WWC2: variants seen among roughly 807,000 people sequenced by gnomAD.
WWC2 encodes WW and C2 domain containing 2.
Under a neutral mutation model 138.5 loss-of-function variants are expected in WWC2, and 101 were observed. The observed-to-expected ratio is 0.73, with a 90% CI of 0.62 to 0.86. WWC2 has a LOEUF of 0.86. WWC2 is among the 40% of genes least tolerant of loss of function. WWC2 has a pLI of 0.00. For missense variants in WWC2, 1,420 were observed against 1,419.4 expected (o/e 1.00, Z -0.01); for synonymous variants, 558 against 538.4 (o/e 1.04, Z -0.50).
Position 183,208,040 on chromosome 4 carries a change from C to A in WWC2, c.329C>A (p.Ala110Asp), listed in dbSNP as rs755610179. 6.2e-7 allele frequency: 1 copy of A among 1,613,794 alleles called. No homozygotes were observed. The highest frequency in any genetic ancestry group is 1.1e-5 in the South Asian group (1 of 91,040). Residue 110 changes from alanine to aspartate, a missense_variant, in exon 3 of 23, where the codon GCC (alanine) becomes GAC (aspartate). Coordinates refer to ENST00000403733, the MANE Select transcript of WWC2 (RefSeq NM_024949.6). Reference sequence around the variant, plus strand: ...GACTACCTCTCTGTGGCACAGGATGCCCTCCGGACACAGAAGGAACTGTAC... The same window carrying A: ...GACTACCTCTCTGTGGCACAGGATGACCTCCGGACACAGAAGGAACTGTAC... ...LKDYLSVAQD[A>D]LRTQKELYHV...
At chr4:183,254,406 A>G (rs1737076087) in intron 9 of WWC2, among the ~76,000 whole-genome samples, 1 of 152,224 alleles carries the variant, frequency 6.6e-6, no homozygotes, top group South Asian at 2.1e-4. Context: ...TTCACGAGGA[A>G]AAGACAGCTT....
chr4:183,265,781 C>T lies in WWC2; in HGVS notation c.2120+13C>T, dbSNP rs547780231. On this transcript the variant is annotated intron_variant, in intron 13 of 22. Transcript: ENST00000403733. The stretch of plus-strand genomic sequence containing the variant: ...AGATAGGACTCAGGTAAGGAATGTA[C>T]GTGGGAAAGGAGCAGTTCTGACATC... The T allele has an allele frequency of 4.2e-5, 68 of 1,609,810 alleles. No individual in the cohort carries two copies. Among genetic ancestry groups the T allele is most frequent in the Admixed American group, 3.5e-4 (21 of 59,450 alleles).
chr4:183,306,842 A>G (rs1739037117), intron 21 of WWC2, among the ~76,000 whole-genome samples: 1 of 138,084 alleles, frequency 7.2e-6, no homozygotes, highest in Admixed American at 8.6e-5. Context: ...AACAATTCTT[A>G]GACATCTATG....
chr4:183,158,790 G>A (rs1354066993), intron 1 of WWC2, among the ~76,000 whole-genome samples: 1 of 152,104 alleles, frequency 6.6e-6, no homozygotes, highest in Non-Finnish European at 1.5e-5. Context: ...AGTAAACATG[G>A]CACTTTACCT....
At chr4:183,256,558 A>G (rs1419107457) in intron 9 of WWC2, among the ~76,000 whole-genome samples, 1 of 152,082 alleles carries the variant, frequency 6.6e-6, no homozygotes. Context: ...AGGGAAGAGA[A>G]CGCCCTTGCC....
At chr4:183,167,512 C>T (rs546051718) in intron 1 of WWC2, among the ~76,000 whole-genome samples, 4 of 152,176 alleles carry the variant, frequency 2.6e-5, no homozygotes, top group Non-Finnish European at 5.9e-5. Context: ...CAGTTTACTC[C>T]GGATGTCCTG....
chr4:183,245,289 C>G, intron 5 of WWC2, 127 bp from the exon 6 acceptor site: 2 of 493,076 alleles, frequency 4.1e-6, no homozygotes, highest in Non-Finnish European at 6.0e-6. Context: ...AAGATGATTG[C>G]TGGTATATGA....
At chr4:183,312,042 C>G (rs1739267357) in intron 21 of WWC2, among the ~76,000 whole-genome samples, 1 of 152,146 alleles carries the variant, frequency 6.6e-6, no homozygotes, top group Admixed American at 6.5e-5. Context: ...GAGTAATTTT[C>G]CGTTTCATTT....
At chr4:183,267,017 T>C (rs2111371271) in intron 14 of WWC2, among the ~76,000 whole-genome samples, 1 of 152,016 alleles carries the variant, frequency 6.6e-6, no homozygotes, top group East Asian at 1.9e-4. Context: ...AATAGAAGAA[T>C]AGAGATAGTG....
intron 9 of WWC2, among the ~76,000 whole-genome samples, chr4:183,256,005 G>T (rs1238141362): frequency 6.6e-6 from 1 of 151,836 alleles, no homozygotes; most frequent in Non-Finnish European, 1.5e-5. Flanking sequence ...CACTGGGTTT[G>T]TGTCATCTGG....
intron 1 of WWC2, among the ~76,000 whole-genome samples, chr4:183,109,202 A>AAC (rs1339005166): frequency 1.3e-5 from 2 of 152,218 alleles, no homozygotes; most frequent in African/African-American, 4.8e-5. Context: ...GCTGTAAACA[A>AAC]ACAAACAAAA....
chr4:183,284,440 T>TACCA, intron 19 of WWC2, 50 bp downstream of exon 19: 2 of 1,592,250 alleles, frequency 1.3e-6, no homozygotes, highest in Non-Finnish European at 1.7e-6. Flanking sequence ...GCTTCTTCCC[T>TACCA]GCTGGTAGGG....
Position 183,223,948 on chromosome 4 carries a change from C to G in WWC2, c.522+14923C>G, listed in dbSNP as rs1735996819. On this transcript the variant is annotated intron_variant, in intron 4 of 22. Transcript: ENST00000403733. ...ATTTAGCCATGTTGGCCAGGCTGGT[C>G]TCGAACTCCTGACCTCAGGCTATCC... Among the ~76,000 whole-genome samples the G allele has an allele frequency of 3.3e-5, 5 of 152,238 alleles. No individual in the cohort carries two copies. The South Asian group carries it at 1.0e-3, about 32-fold the overall frequency.
chr4:183,248,984 T>C, intron 7 of WWC2, 124 bp downstream of exon 7: 1 of 971,004 alleles, frequency 1.0e-6, no homozygotes, highest in African/African-American at 1.6e-5. Flanking sequence ...CATTCAGTGT[T>C]CCATTTTCGT....
Position 183,320,210 on chromosome 4 carries a change from T to A in WWC2, c.*4481T>A. On this transcript the variant is annotated 3_prime_UTR_variant, in exon 23 of 23. Coordinates refer to ENST00000403733, the MANE Select transcript of WWC2 (RefSeq NM_024949.6). ...CTAGTTGAGCTACAGTTCTAAATAC[T>A]AAAGCCATTATAATGTCCTGAGAGC... The A allele has an allele frequency of 6.2e-7, 1 of 1,612,934 alleles. No individual in the cohort carries two copies. The highest frequency in any genetic ancestry group is 8.5e-7 in the Non-Finnish European group (1 of 1,179,508).
intron 4 of WWC2, among the ~76,000 whole-genome samples, chr4:183,232,637 A>G (rs1265550099): frequency 6.6e-6 from 1 of 151,272 alleles, no homozygotes; most frequent in Non-Finnish European, 1.5e-5. Flanking sequence ...ATATTCCATT[A>G]TATGAATAAA....
chr4:183,250,273 G>A (rs1191412815), intron 8 of WWC2, among the ~76,000 whole-genome samples: 1 of 151,746 alleles, frequency 6.6e-6, no homozygotes, highest in African/African-American at 2.4e-5. Flanking sequence ...CTTTGAGTTG[G>A]TACAATACTT....
intron 1 of WWC2, among the ~76,000 whole-genome samples, chr4:183,107,812 TAAAG>T (rs2152886837): frequency 6.6e-6 from 1 of 152,140 alleles, no homozygotes; most frequent in Non-Finnish European, 1.5e-5. Flanking sequence ...CTCTGGGAGA[TAAAG>T]ATGGATAAGA....
Position 183,241,193 on chromosome 4 carries a change from G to A in WWC2, c.602+931G>A, listed in dbSNP as rs6852621. On this transcript the variant is annotated intron_variant, in intron 5 of 22. Coordinates refer to ENST00000403733, the MANE Select transcript of WWC2 (RefSeq NM_024949.6). ...TTCAGGCAGGTTTCGTGTTCTTCCC[G>A]GCATCTCCCGTGGTAGCACCTCAGG... Among the ~76,000 whole-genome samples the A allele has an allele frequency of 3.9e-3, 598 of 152,222 alleles. 4 individuals carry two copies. The highest frequency in any genetic ancestry group is 0.014 in the African/African-American group (578 of 41,514).
Sources: gnomAD v4.1 joint callset for allele counts (sites outside exome capture counted in the v4.1 genomes callset) on GRCh38, gnomAD v4.1.1 for gene constraint, MANE v1.5 for transcripts, NCBI Gene and HGNC (gene_info 2026-07-23, HGNC 2026-07-21) for gene names.